ANXA11: variants seen among roughly 807,000 people sequenced by gnomAD.
ANXA11 encodes the protein annexin A11, also known as 56 kDa autoantigen.
A neutral mutation model predicts 64.7 loss-of-function variants in ANXA11; 57 were observed. The ratio of observed to expected loss-of-function variants is 0.88; its 90% CI spans 0.71 to 1.10. The LOEUF (loss-of-function observed/expected upper bound fraction) is 1.10. Among genes scored for constraint, ANXA11 ranks in the 50% least tolerant of loss-of-function variants. The probability of loss-of-function intolerance (pLI) is 0.00; values close to 1 mark genes in which losing one functional copy is unlikely to be tolerated. For missense variants in ANXA11, 675 were observed against 670.7 expected (o/e 1.01, Z -0.07); for synonymous variants, 260 against 265.2 (o/e 0.98, Z 0.19).
At chr10:80,161,364 T>C (rs1845496102) in intron 12 of ANXA11, among the ~76,000 whole-genome samples, 1 of 152,208 alleles carries the variant, frequency 6.6e-6, no homozygotes, top group Non-Finnish European at 1.5e-5. Context: ...CGGTGGACCC[T>C]ACCATCACTC....
At chr10:80,178,342 G>T (rs1243147482) in intron 1 of ANXA11, among the ~76,000 whole-genome samples, 2 of 152,182 alleles carry the variant, frequency 1.3e-5, no homozygotes, top group Non-Finnish European at 2.9e-5. Context: ...CTGATGGCTG[G>T]GGCATGTCCC....
intron 15 of ANXA11, chr10:80,157,173 A>C: frequency 1.0e-6 from 1 of 979,706 alleles, no homozygotes; most frequent in Non-Finnish European, 1.2e-6. Flanking sequence ...TCAAGGTCAC[A>C]CAGTTAGCAA....
At position 80,169,128 on chromosome 10, in the gene ANXA11, TG is replaced by T; in HGVS notation, c.401del (p.Pro134HisfsTer17). ...PGAPVPGQPM[P>X]PPGQQPPGAY... Reference sequence around the variant, plus strand: ...CCCCTGGGGGCTGCTGTCCGGGGGGTGGCATGGGCTGGCCCGGCACAGGGGC... The same window carrying T: ...CCCCTGGGGGCTGCTGTCCGGGGGGTGCATGGGCTGGCCCGGCACAGGGGC... On this transcript the variant is annotated frameshift_variant, in exon 5 of 16. Coordinates refer to ENST00000422982, the MANE Select transcript of ANXA11 (RefSeq NM_145868.2). LOFTEE classifies it high-confidence loss of function. 4 of 1,541,960 alleles carry T rather than the reference TG, an allele frequency of 2.6e-6. No individual in the cohort carries two copies. The highest frequency in any genetic ancestry group is 3.5e-6 in the Non-Finnish European group (4 of 1,149,820).
In ANXA11 at chr10:80,157,227, G is replaced by A. The variant is rs115387753; in HGVS notation, c.1458+414C>T. 2.6e-3 allele frequency: 2,540 copies of A among 985,396 alleles called. 59 individuals are homozygous for A. In the African/African-American group the frequency reaches 0.041, roughly 16 times the overall value. 61.0% of individuals were successfully genotyped at this position (985,396 alleles called of 1,614,324 possible). On this transcript the variant is annotated intron_variant, in intron 15 of 15. Transcript: ENST00000422982. ...AAGTGGCGTGACCCCCAGGGCCCTCGCTCTGAACGGCCTTACTATGTGGCC... is the reference window on the plus strand; with the variant it reads ...AAGTGGCGTGACCCCCAGGGCCCTCACTCTGAACGGCCTTACTATGTGGCC...
intron 11 of ANXA11, among the ~76,000 whole-genome samples, chr10:80,162,487 C>T (rs1467379600): frequency 6.6e-6 from 1 of 152,264 alleles, no homozygotes; most frequent in Non-Finnish European, 1.5e-5. Flanking sequence ...TGACTGGGCA[C>T]AGAAGACCGA....
intron 1 of ANXA11, among the ~76,000 whole-genome samples, chr10:80,177,897 T>C (rs80083246): frequency 6.6e-6 from 1 of 152,182 alleles, no homozygotes; most frequent in Admixed American, 6.5e-5. Flanking sequence ...AAGCTATCCA[T>C]GTTCTAGGAG....
At chr10:80,168,849 T>C (rs918010545) in intron 5 of ANXA11, 120 bp downstream of exon 5, 2 of 1,193,460 alleles carry the variant, frequency 1.7e-6, no homozygotes, top group Non-Finnish European at 2.2e-6. Flanking sequence ...CACTATTTGT[T>C]AAAACAAGAA....
intron 15 of ANXA11, chr10:80,156,895 G>A: frequency 1.7e-6 from 1 of 591,464 alleles, no homozygotes; most frequent in Non-Finnish European, 2.1e-6. Flanking sequence ...ATCATCAAAT[G>A]CTACTGAGTC....
chr10:80,162,072 G>A lies in ANXA11; in HGVS notation c.1087-44C>T, dbSNP rs747033001. On this transcript the variant is annotated intron_variant, in intron 11 of 15. Transcript: ENST00000422982. ...GCACATGTGGCACAGGCCACACCCA[G>A]ACCCCAGGCCCAGGTCACCCAGGAG... is the stretch of plus-strand genomic sequence containing the variant. 9.2e-6 allele frequency: 14 copies of A among 1,524,386 alleles called. No individual in the cohort carries two copies. In the East Asian group the frequency reaches 3.0e-4, roughly 32 times the overall value. The allele number at this position is 1,524,386 out of a possible 1,614,324, so 94.4% of individuals were successfully genotyped here.
intron 1 of ANXA11, among the ~76,000 whole-genome samples, chr10:80,179,713 C>T (rs1439770774): frequency 6.6e-6 from 1 of 152,156 alleles, no homozygotes; most frequent in Admixed American, 6.5e-5. Context: ...GAGATCAAGG[C>T]CCTTTGTTCT....
intron 12 of ANXA11, 50 bp from the exon 13 acceptor site, chr10:80,159,245 A>T (rs1483284745): frequency 1.3e-6 from 2 of 1,485,088 alleles, no homozygotes; most frequent in South Asian, 2.3e-5. Context: ...TGTCTCCCCA[A>T]AGTTCATATG....
chr10:80,156,607 G>A (rs772180364), intron 15 of ANXA11: 12 of 363,016 alleles, frequency 3.3e-5, no homozygotes, highest in East Asian at 8.6e-5. Flanking sequence ...TCTGTCTCCC[G>A]GGTTCAAGCA....
At chr10:80,171,778 G>A (rs1164586923) in intron 3 of ANXA11, 2 of 985,432 alleles carry the variant, frequency 2.0e-6, no homozygotes, top group African/African-American at 3.5e-5. Context: ...CTCCTCTCTT[G>A]CTGCTCAGAG....
Position 80,166,075 on chromosome 10 carries a change from C to A in ANXA11, c.858+9G>T. 2.0e-6 allele frequency: 3 copies of A among 1,463,526 alleles called. No homozygotes were observed. Among genetic ancestry groups the A allele is most frequent in the Admixed American group, 1.7e-5 (1 of 59,012 alleles). 90.7% of individuals were successfully genotyped at this position (1,463,526 alleles called of 1,614,324 possible). On this transcript the variant is annotated intron_variant, in intron 8 of 15. Transcript: ENST00000422982. ...ACACACACACACACACACACACACA[C>A]GTACACACCTTGATGGCTTCCTTTA...
intron 3 of ANXA11, chr10:80,171,592 T>G (rs1845978816): frequency 1.0e-6 from 1 of 977,274 alleles, no homozygotes; most frequent in Non-Finnish European, 1.2e-6. Context: ...TAGACTGCTG[T>G]GACGAAGACT....
chr10:80,167,130 A>G, intron 6 of ANXA11, 96 bp downstream of exon 6: 1 of 1,353,906 alleles, frequency 7.4e-7, no homozygotes. Context: ...GGGCCAGGTC[A>G]GCGTCCCCCA....
chr10:80,157,366 G>C, intron 15 of ANXA11: 1 of 985,440 alleles, frequency 1.0e-6, no homozygotes, highest in Non-Finnish European at 1.2e-6. Flanking sequence ...ACGGTGATCG[G>C]AACGCTGAAG....
At position 80,163,244 on chromosome 10, in the gene ANXA11, T is replaced by C. The variant is rs948010073; in HGVS notation, c.1086+105A>G. ...GAAACTCACAGCATCTGCAACCCACTGCTTATCTATTGTTCTTTCCACCCT... is the reference window on the plus strand; with the variant it reads ...GAAACTCACAGCATCTGCAACCCACCGCTTATCTATTGTTCTTTCCACCCT... On this transcript the variant is annotated intron_variant, in intron 11 of 15. Transcript: ENST00000422982. 4 of 1,301,538 alleles carry C rather than the reference T, an allele frequency of 3.1e-6. No individual in the cohort carries two copies. The East Asian group carries it at 9.8e-5, about 32-fold the overall frequency. 80.6% of individuals were successfully genotyped at this position (1,301,538 alleles called of 1,614,324 possible). A position where few individuals can be genotyped will look rare whatever the true frequency, so the allele number is the denominator to read the frequency against.
intron 1 of ANXA11, among the ~76,000 whole-genome samples, chr10:80,197,819 G>A (rs1367223066): frequency 6.6e-6 from 1 of 152,086 alleles, no homozygotes; most frequent in African/African-American, 2.4e-5. Flanking sequence ...AGCTACTTGT[G>A]AGTCTGAGGC....
Sources: gnomAD v4.1 joint callset for allele counts (sites outside exome capture counted in the v4.1 genomes callset) on GRCh38, gnomAD v4.1.1 for gene constraint, MANE v1.5 for transcripts, NCBI Gene and HGNC (gene_info 2026-07-23, HGNC 2026-07-21) for gene names.